The following NALF1 variants were observed in gnomAD, a reference collection of about 807,000 sequenced individuals.
NALF1 encodes family with sequence similarity 155 member A.
NALF1 carries 3 observed loss-of-function variants against 48.4 expected under a neutral mutation model. That is an observed-to-expected ratio of 0.06 (90% CI 0.03 to 0.16). NALF1 has a LOEUF of 0.16. Among genes scored for constraint, NALF1 ranks in the 10% least tolerant of loss-of-function variants. The pLI is 1.00. For synonymous variants in NALF1, 262 were observed against 245.7 expected, an observed-to-expected ratio of 1.07 and a Z score of -0.62; for missense variants, 526 against 571.5, an observed-to-expected ratio of 0.92 and a Z score of 0.81.
In NALF1 at chr13:107,851,355, TC is replaced by T. The variant is rs759716076; in HGVS notation, c.915+14326del. Among the ~76,000 whole-genome samples the T allele has an allele frequency of 7.1e-3, 1,068 of 150,678 alleles. 11 individuals carry two copies. The highest frequency in any genetic ancestry group is 0.024 in the African/African-American group (1,000 of 41,104). On this transcript the variant is annotated intron_variant, in intron 1 of 2. Transcript: ENST00000375915. Reference sequence around the variant, plus strand: ...ACAGATGAACAGTTTTTTTTTTTTTTCTTTAAGTGGCCAGATTAAGGAGACA... The same window carrying T: ...ACAGATGAACAGTTTTTTTTTTTTTTTTTAAGTGGCCAGATTAAGGAGACA...
intron 1 of NALF1, among the ~76,000 whole-genome samples, chr13:107,631,899 C>G (rs910023450): frequency 1.5e-4 from 23 of 152,088 alleles, no homozygotes; most frequent in Non-Finnish European, 3.1e-4. Context: ...CGTGCCACAG[C>G]CTCTCTCTGA....
At chr13:107,311,111 C>A (rs1011672926) in intron 1 of NALF1, among the ~76,000 whole-genome samples, 1 of 152,064 alleles carries the variant, frequency 6.6e-6, no homozygotes, top group Non-Finnish European at 1.5e-5. Context: ...TTTTTTCCCC[C>A]AAGAAATGAG....
intron 1 of NALF1, among the ~76,000 whole-genome samples, chr13:107,390,601 C>T (rs1394027771): frequency 1.3e-5 from 2 of 151,718 alleles, no homozygotes; most frequent in African/African-American, 4.8e-5. Context: ...AACAAACAAA[C>T]AAAAAAAGCC....
chr13:107,213,307 T>C, intron 1 of NALF1, among the ~76,000 whole-genome samples: 1 of 145,312 alleles, frequency 6.9e-6, no homozygotes, highest in Non-Finnish European at 1.5e-5. Flanking sequence ...TATCAGGTAG[T>C]AGTTAGTTAT....
At chr13:107,627,402 C>CTA (rs942157589) in intron 1 of NALF1, among the ~76,000 whole-genome samples, 25 of 151,936 alleles carry the variant, frequency 1.6e-4, no homozygotes, top group African/African-American at 5.6e-4. Flanking sequence ...TTAGAAAAGC[C>CTA]TATAATGGAG....
intron 1 of NALF1, among the ~76,000 whole-genome samples, chr13:107,656,136 C>CAAA (rs200501399): frequency 1.6e-5 from 2 of 122,740 alleles, no homozygotes; most frequent in Admixed American, 1.6e-4. Flanking sequence ...AAGGCAAATG[C>CAAA]AAAAAAAAAA....
intron 1 of NALF1, among the ~76,000 whole-genome samples, chr13:107,700,102 C>A (rs1366691816): frequency 6.6e-6 from 1 of 151,686 alleles, no homozygotes; most frequent in Non-Finnish European, 1.5e-5. Flanking sequence ...AGATTCAATG[C>A]AGTCCCTATC....
intron 1 of NALF1, among the ~76,000 whole-genome samples, chr13:107,803,461 T>A (rs1291076189): frequency 6.6e-6 from 1 of 151,932 alleles, no homozygotes; most frequent in Non-Finnish European, 1.5e-5. Context: ...TAAGAACCTT[T>A]AAAAAAAATG....
At chr13:107,249,269 A>C (rs1004740120) in intron 1 of NALF1, among the ~76,000 whole-genome samples, 1 of 152,130 alleles carries the variant, frequency 6.6e-6, no homozygotes, top group Non-Finnish European at 1.5e-5. Context: ...TTTTGTACTT[A>C]GATTATTGTG....
intron 1 of NALF1, among the ~76,000 whole-genome samples, chr13:107,635,084 G>A (rs1392007386): frequency 6.6e-6 from 1 of 152,084 alleles, no homozygotes; most frequent in Non-Finnish European, 1.5e-5. Context: ...ACGAATATGT[G>A]AGTATCTTCA....
chr13:107,208,540 T>G (rs1050171063), intron 2 of NALF1, among the ~76,000 whole-genome samples: 5 of 152,194 alleles, frequency 3.3e-5, no homozygotes, highest in Non-Finnish European at 4.4e-5. Context: ...CGCAAACACC[T>G]CGCCCTTCAT....
chr13:107,213,531 G>C (rs1262623612), intron 1 of NALF1, among the ~76,000 whole-genome samples: 2 of 152,126 alleles, frequency 1.3e-5, no homozygotes, highest in Non-Finnish European at 2.9e-5. Context: ...AAAACAAGTG[G>C]GGGAAACCAT....
At chr13:107,445,970 C>T (rs1317756294) in intron 1 of NALF1, among the ~76,000 whole-genome samples, 1 of 151,846 alleles carries the variant, frequency 6.6e-6, no homozygotes, top group Non-Finnish European at 1.5e-5. Flanking sequence ...GATGGAATCT[C>T]GCTTTGTCGT....
At chr13:107,197,926 A>C (rs1237015072) in intron 2 of NALF1, among the ~76,000 whole-genome samples, 1 of 152,216 alleles carries the variant, frequency 6.6e-6, no homozygotes, top group Non-Finnish European at 1.5e-5. Context: ...GAGAATTTGA[A>C]AGCTGTCCAG....
intron 1 of NALF1, among the ~76,000 whole-genome samples, chr13:107,294,743 A>G (rs1881692353): frequency 6.6e-6 from 1 of 152,228 alleles, no homozygotes; most frequent in Non-Finnish European, 1.5e-5. Context: ...CTATCTATTA[A>G]TATCTCTCTG....
chr13:107,246,938 A>T (rs1880598114), intron 1 of NALF1, among the ~76,000 whole-genome samples: 1 of 152,174 alleles, frequency 6.6e-6, no homozygotes, highest in Non-Finnish European at 1.5e-5. Flanking sequence ...GTCACACGTT[A>T]ACAATGGTTT....
In NALF1 at chr13:107,575,059, G is replaced by A. The variant is rs74777866; in HGVS notation, c.915+290623C>T. Among the ~76,000 whole-genome samples the A allele has an allele frequency of 2.6e-4, 39 of 152,000 alleles. No homozygotes were observed. The East Asian group carries it at 6.0e-3, about 23-fold the overall frequency. On this transcript the variant is annotated intron_variant, in intron 1 of 2. Coordinates refer to ENST00000375915, the MANE Select transcript of NALF1 (RefSeq NM_001080396.3). ...GGAAGCGAGTCTAACTATTTTCACC[G>A]TACGAGGAGCAAGGGCATAATCAAG...
chr13:107,596,896 GTTATAC>G (rs763510742), intron 1 of NALF1, among the ~76,000 whole-genome samples: 11 of 152,098 alleles, frequency 7.2e-5, no homozygotes, highest in Non-Finnish European at 1.3e-4. Flanking sequence ...TATGCTCAAT[GTTATAC>G]TTATTTAGAG....
At chr13:107,581,842 TC>T (rs1187240113) in intron 1 of NALF1, among the ~76,000 whole-genome samples, 11 of 152,148 alleles carry the variant, frequency 7.2e-5, no homozygotes, top group Non-Finnish European at 1.2e-4. Context: ...ATTAAAATAG[TC>T]TCCCATTTTT....
Sources: gnomAD v4.1 joint callset for allele counts (sites outside exome capture counted in the v4.1 genomes callset) on GRCh38, gnomAD v4.1.1 for gene constraint, MANE v1.5 for transcripts, NCBI Gene and HGNC (gene_info 2026-07-23, HGNC 2026-07-21) for gene names.